Variants in HNRNPA3 observed in about 807,000 individuals in gnomAD.
The protein encoded by HNRNPA3 is heterogeneous nuclear ribonucleoprotein A3.
In HNRNPA3, 3 loss-of-function variants were observed where a neutral mutation model predicts 45.8. The ratio of observed to expected loss-of-function variants is 0.07; its 90% CI spans 0.03 to 0.17. HNRNPA3 has a LOEUF of 0.17. Ranked by LOEUF, HNRNPA3 falls within the 10% of genes least tolerant of loss-of-function variation. The pLI is 1.00. For missense variants in HNRNPA3, 183 were observed against 480.3 expected (o/e 0.38, Z 5.79); for synonymous variants, 170 against 155.6 (o/e 1.09, Z -0.69).
At chr2:177,218,330 G>A (rs1399880116) in intron 8 of HNRNPA3, among the ~76,000 whole-genome samples, 1 of 152,070 alleles carries the variant, frequency 6.6e-6, no homozygotes, top group Non-Finnish European at 1.5e-5. Flanking sequence ...CCAAAGTACT[G>A]GGATTACAGG....
chr2:177,219,335 A>G (rs2105436899), intron 10 of HNRNPA3, 21 bp downstream of exon 10: 5 of 1,539,768 alleles, frequency 3.2e-6, no homozygotes, highest in East Asian at 2.2e-5. Flanking sequence ...TTAAATTTTT[A>G]TTATGATGAT....
chr2:177,223,051 T>A (rs8334), downstream of HNRNPA3: 1 of 152,442 alleles, frequency 6.6e-6, no homozygotes, highest in Non-Finnish European at 1.5e-5. Context: ...AACAATTTAG[T>A]CGGATAGTTT....
chr2:177,218,052 C>CTTTTTTTTTTTTTTTTTTT lies in HNRNPA3; in HGVS notation c.961+216_961+234dup, dbSNP rs58476089. Reference sequence around the variant, plus strand: ...ACAAATGTACTCAGCTCTCTTTTTTCTTTTTTTTTTTTTTTTTTTTTTTTT... The same window carrying CTTTTTTTTTTTTTTTTTTT: ...ACAAATGTACTCAGCTCTCTTTTTTCTTTTTTTTTTTTTTTTTTTTTTTTTTTTTTTTTTTTTTTTTTTT... On this transcript the variant is annotated intron_variant, in intron 8 of 10. Transcript: ENST00000392524. Among the ~76,000 whole-genome samples the CTTTTTTTTTTTTTTTTTTT allele has an allele frequency of 5.4e-4, 55 of 102,174 alleles. 4 individuals are homozygous for CTTTTTTTTTTTTTTTTTTT. The highest frequency in any genetic ancestry group is 2.0e-3 in the African/African-American group (50 of 25,046). 67.0% of individuals were successfully genotyped at this position (102,174 alleles called of 152,430 possible).
At chr2:177,219,061 A>G in exon 9 of HNRNPA3, 2 of 1,614,028 alleles carry the variant, frequency 1.2e-6, no homozygotes, top group African/African-American at 1.3e-5. Context: ...GGTGGGAACT[A>G]TAATGATTTT....
At chr2:177,212,939 G>C (rs1289442526) in intron 1 of HNRNPA3, 68 bp downstream of exon 1, 2 of 1,083,984 alleles carry the variant, frequency 1.8e-6, no homozygotes, top group Non-Finnish European at 2.5e-6. Context: ...GGTGGGAGCG[G>C]GGAGGCCGGG....
At chr2:177,213,870 TA>T (rs2105424591) in intron 1 of HNRNPA3, among the ~76,000 whole-genome samples, 1 of 152,386 alleles carries the variant, frequency 6.6e-6, no homozygotes, top group African/African-American at 2.4e-5. Context: ...GCAGTACATT[TA>T]ATGTGGATCC....
intron 8 of HNRNPA3, among the ~76,000 whole-genome samples, chr2:177,218,107 G>GC (rs1689034770): frequency 7.1e-6 from 1 of 141,730 alleles, no homozygotes; most frequent in Admixed American, 7.2e-5. Flanking sequence ...TGTTGCCCAG[G>GC]CTGGAGTGCA....
chr2:177,214,414 C>T (rs1332190407), intron 1 of HNRNPA3, among the ~76,000 whole-genome samples: 1 of 151,954 alleles, frequency 6.6e-6, no homozygotes, highest in Admixed American at 6.5e-5. Flanking sequence ...TTAGGAATGC[C>T]TGTTTTAAAT....
At position 177,217,598 on chromosome 2, in the gene HNRNPA3, G is replaced by C. The variant is rs199742211; in HGVS notation, c.821-107G>C. 192 of 1,385,744 alleles carry C rather than the reference G, an allele frequency of 1.4e-4. 1 individual carries two copies. The East Asian group carries it at 4.2e-3, about 31-fold the overall frequency. 85.8% of individuals were successfully genotyped at this position (1,385,744 alleles called of 1,614,324 possible). A position where few individuals can be genotyped will look rare whatever the true frequency, so the allele number is the denominator to read the frequency against. ...GCTGTGGTTGCACCACTGTACTTGA[G>C]CCCGGGCAACAGAGCAAGACCCAGT... On this transcript the variant is annotated intron_variant, in intron 7 of 10. Transcript: ENST00000392524.
exon 6 of HNRNPA3, chr2:177,216,714 G>A: frequency 6.2e-7 from 1 of 1,614,218 alleles, no homozygotes; most frequent in South Asian, 1.1e-5. Context: ...GGGTCGCGGA[G>A]GGAACTTTGG....
At chr2:177,221,932 C>G (rs1309392701), downstream of HNRNPA3, 1 of 152,638 alleles carries the variant, frequency 6.6e-6, no homozygotes, top group African/African-American at 2.4e-5. Flanking sequence ...GCCACAGTCA[C>G]TAGGTCTAGC....
At position 177,215,529 on chromosome 2, in the gene HNRNPA3, T is replaced by C. The variant is rs1383522921; in HGVS notation, c.73-10T>C. ...TAAGGTAACTTAAGAGTATTGGTTC[T>C]TTCTCTCAGGGCCATGATCCAAAGG... On this transcript the variant is annotated splice_polypyrimidine_tract_variant and intron_variant, in intron 1 of 10. Transcript: ENST00000392524. 1 of 1,613,864 alleles carries C rather than the reference T, an allele frequency of 6.2e-7. No homozygotes were observed. Among genetic ancestry groups the C allele is most frequent in the Admixed American group, 1.7e-5 (1 of 60,018 alleles).
downstream of HNRNPA3, chr2:177,223,719 ATTAC>A (rs1184269956): frequency 6.6e-6 from 1 of 152,226 alleles, no homozygotes; most frequent in Non-Finnish European, 1.5e-5. Flanking sequence ...AATATTCAAA[ATTAC>A]TTTAAAACTT....
chr2:177,220,015 ATAAT>A (rs1689121372), exon 11 of HNRNPA3: 1 of 152,656 alleles, frequency 6.6e-6, no homozygotes, highest in African/African-American at 2.4e-5. Flanking sequence ...GAGAGAATAG[ATAAT>A]TTGTGTGTTT....
chr2:177,215,492 A>T (rs1263165075), intron 1 of HNRNPA3, 47 bp from the exon 2 acceptor site: 1 of 1,593,550 alleles, frequency 6.3e-7, no homozygotes, highest in Non-Finnish European at 8.6e-7. Context: ...GTGCATCTTA[A>T]TTCATCTACT....
chr2:177,213,262 C>G (rs1051617955), intron 1 of HNRNPA3, among the ~76,000 whole-genome samples: 1 of 152,188 alleles, frequency 6.6e-6, no homozygotes, highest in Non-Finnish European at 1.5e-5. Context: ...GCGGCGGCCA[C>G]ATTGACATTG....
chr2:177,217,866 T>C lies in HNRNPA3; in HGVS notation c.961+21T>C, dbSNP rs142141321. 1,425 of 1,539,488 alleles carry C rather than the reference T, an allele frequency of 9.3e-4. 7 individuals are homozygous for C. The African/African-American group carries it at 0.014, about 15-fold the overall frequency. ...CGGTGGTAAGCATTCACTTGTTTTA[T>C]TTAAATGTTAAATATTCAGTGTTGC... is the stretch of plus-strand genomic sequence containing the variant. On this transcript the variant is annotated intron_variant, in intron 8 of 10. Transcript: ENST00000392524.
chr2:177,215,454 ATTAC>A (rs1372386604), intron 1 of HNRNPA3, 81 bp from the exon 2 acceptor site: 36 of 1,339,672 alleles, frequency 2.7e-5, no homozygotes, highest in South Asian at 2.0e-4. Flanking sequence ...TGTTGATTTT[ATTAC>A]TTACCGTACA....
chr2:177,222,914 T>C (rs553413600), downstream of HNRNPA3: 7 of 152,784 alleles, frequency 4.6e-5, no homozygotes, highest in South Asian at 1.2e-3. Context: ...TTGGTTCATC[T>C]GTTAAGCAGT....
Sources: gnomAD v4.1 joint callset for allele counts (sites outside exome capture counted in the v4.1 genomes callset) on GRCh38, gnomAD v4.1.1 for gene constraint, MANE v1.5 for transcripts, NCBI Gene and HGNC (gene_info 2026-07-23, HGNC 2026-07-21) for gene names.